The following PPP6C variants were observed in gnomAD, a reference collection of about 807,000 sequenced individuals.
PPP6C encodes the protein protein phosphatase 6 catalytic subunit, also known as serine/threonine-protein phosphatase 6 catalytic subunit.
Under a neutral mutation model 39.8 loss-of-function variants are expected in PPP6C, and 11 were observed. That is an observed-to-expected ratio of 0.28 (90% CI 0.17 to 0.46). The LOEUF is 0.46. PPP6C is among the 20% of genes least tolerant of loss of function. The pLI, the probability that PPP6C is intolerant of heterozygous loss-of-function variation, is 1.00. For missense variants in PPP6C, 211 were observed against 373.9 expected, an observed-to-expected ratio of 0.56 and a Z score of 3.59; for synonymous variants, 129 against 130.3, an observed-to-expected ratio of 0.99 and a Z score of 0.07.
chr9:125,177,619 T>A (rs754267326), intron 1 of PPP6C, among the ~76,000 whole-genome samples: 1 of 152,160 alleles, frequency 6.6e-6, no homozygotes, highest in Non-Finnish European at 1.5e-5. Context: ...CCTCCCCGCA[T>A]CAACATCTCA....
intron 1 of PPP6C, among the ~76,000 whole-genome samples, chr9:125,188,480 A>G (rs1212476302): frequency 3.3e-5 from 5 of 151,308 alleles, no homozygotes; most frequent in Non-Finnish European, 7.4e-5. Context: ...GCATAGAAAC[A>G]CTTTTCAAAG....
rs1029254621 is a variant in PPP6C, at chr9:125,150,418, A to AGG, written c.670-499_670-498dup. Among the ~76,000 whole-genome samples, 6 of 108,800 alleles carry AGG rather than the reference A, an allele frequency of 5.5e-5. No homozygotes were observed. The South Asian group carries it at 1.0e-3, about 19-fold the overall frequency. The allele number at this position is 108,800 out of a possible 152,430, so 71.4% of individuals were successfully genotyped here. On this transcript the variant is annotated intron_variant, in intron 6 of 6. Transcript: ENST00000373547. Reference sequence around the variant, plus strand: ...TGATGCTGGAGCACTTCCCAATATAAGGGGTGTGTGTGTGTGTGTGTGTGT... The same window carrying AGG: ...TGATGCTGGAGCACTTCCCAATATAAGGGGGGTGTGTGTGTGTGTGTGTGTGT...
At chr9:125,161,063 C>T in intron 2 of PPP6C, among the ~76,000 whole-genome samples, 157 bp from the exon 3 acceptor site, 1 of 152,156 alleles carries the variant, frequency 6.6e-6, no homozygotes, top group Non-Finnish European at 1.5e-5. Flanking sequence ...GCACACAGTT[C>T]TCAAGACTAA....
At chr9:125,172,754 C>A (rs867205943) in intron 1 of PPP6C, among the ~76,000 whole-genome samples, 2 of 142,450 alleles carry the variant, frequency 1.4e-5, no homozygotes, top group East Asian at 2.0e-4. Flanking sequence ...CACACACAAA[C>A]ACACACACAC....
chr9:125,165,325 G>C (rs1274445624), intron 2 of PPP6C, among the ~76,000 whole-genome samples: 2 of 151,948 alleles, frequency 1.3e-5, no homozygotes, highest in Non-Finnish European at 2.9e-5. Flanking sequence ...CTTGAACCCG[G>C]GAGGCAGAGG....
chr9:125,176,613 T>C (rs1350652307), intron 1 of PPP6C, among the ~76,000 whole-genome samples: 1 of 152,072 alleles, frequency 6.6e-6, no homozygotes, highest in Non-Finnish European at 1.5e-5. Flanking sequence ...GGTGAGACTG[T>C]GCCACTGCAC....
rs1235681255 is a variant in PPP6C, at chr9:125,171,071, T to A, written c.171+14A>T. ...GACAGTACAAAACTTAAAAATCTGCTCATGAAATTTTACCTGTCCATGGAT... is the reference window on the plus strand; with the variant it reads ...GACAGTACAAAACTTAAAAATCTGCACATGAAATTTTACCTGTCCATGGAT... On this transcript the variant is annotated intron_variant, in intron 2 of 6. Coordinates refer to ENST00000373547, the MANE Select transcript of PPP6C (RefSeq NM_002721.5). 2 of 1,516,026 alleles carry A rather than the reference T, an allele frequency of 1.3e-6. No homozygotes were observed. Among genetic ancestry groups the A allele is most frequent in the Non-Finnish European group, 1.8e-6 (2 of 1,113,822 alleles). The allele number at this position is 1,516,026 out of a possible 1,614,324, so 93.9% of individuals were successfully genotyped here. A position where few individuals can be genotyped will look rare whatever the true frequency, so the allele number is the denominator to read the frequency against.
intron 1 of PPP6C, among the ~76,000 whole-genome samples, chr9:125,188,506 G>A (rs1829580543): frequency 6.6e-6 from 1 of 151,308 alleles, no homozygotes; most frequent in African/African-American, 2.4e-5. Context: ...GTATACCTAG[G>A]CCGGCGCGGT....
intron 4 of PPP6C, among the ~76,000 whole-genome samples, chr9:125,156,249 A>C (rs1836071174): frequency 6.6e-6 from 1 of 152,188 alleles, no homozygotes; most frequent in Admixed American, 6.5e-5. Flanking sequence ...ATGGCAGACA[A>C]ACTGAAGAGT....
At chr9:125,157,697 T>TA (rs34972368) in intron 4 of PPP6C, among the ~76,000 whole-genome samples, 2 of 4,436 alleles carry the variant, frequency 4.5e-4, no homozygotes, top group Non-Finnish European at 0.014. Flanking sequence ...TTTTTTTTGG[T>TA]TTTTTTTTTT....
At chr9:125,171,468 CACACACACACATATAT>C (rs1469093658) in intron 1 of PPP6C, among the ~76,000 whole-genome samples, 16 of 71,554 alleles carry the variant, frequency 2.2e-4, no homozygotes, top group African/African-American at 1.2e-3. Flanking sequence ...TATACACACA[CACACACACACATATAT>C]ATATATATAT....
chr9:125,154,040 A>G lies in PPP6C; in HGVS notation c.380-55T>C, dbSNP rs991630344. 2.3e-6 allele frequency: 3 copies of G among 1,291,616 alleles called. No individual in the cohort carries two copies. In the Middle Eastern group the frequency reaches 5.6e-4, roughly 242 times the overall value. The allele number at this position is 1,291,616 out of a possible 1,614,324, so 80.0% of individuals were successfully genotyped here. The stretch of plus-strand genomic sequence containing the variant: ...ATGAATCTGCTAATAAAAATAAACA[A>G]TATATCCAATACTAGAGCAGCCTTC... On this transcript the variant is annotated intron_variant, in intron 4 of 6. Transcript: ENST00000373547.
intron 1 of PPP6C, among the ~76,000 whole-genome samples, chr9:125,178,833 G>A (rs1376652475): frequency 6.6e-6 from 1 of 152,150 alleles, no homozygotes; most frequent in East Asian, 1.9e-4. Context: ...GTGTAATTTA[G>A]CACAACCATT....
intron 1 of PPP6C, among the ~76,000 whole-genome samples, chr9:125,173,905 C>T (rs575208067): frequency 6.6e-5 from 10 of 152,126 alleles, no homozygotes; most frequent in Non-Finnish European, 1.3e-4. Context: ...CGTGAGCCAC[C>T]GCACCCAGCC....
chr9:125,168,622 C>A (rs1829076702), intron 2 of PPP6C, among the ~76,000 whole-genome samples: 1 of 151,882 alleles, frequency 6.6e-6, no homozygotes, highest in African/African-American at 2.4e-5. Context: ...CCACACCTGG[C>A]TAATTTTTGT....
chr9:125,185,744 G>A (rs1351911041), intron 1 of PPP6C, among the ~76,000 whole-genome samples: 3 of 151,782 alleles, frequency 2.0e-5, no homozygotes, highest in African/African-American at 7.3e-5. Flanking sequence ...CAGCACTTTG[G>A]GAGGCCGAGG....
At position 125,153,551 on chromosome 9, in the gene PPP6C, T is replaced by A; in HGVS notation, c.651A>T (p.Gly217=). The change falls in exon 6 of 7, where the codon GGA becomes GGT. Residue 217 remains glycine (G), a synonymous_variant. Transcript: ENST00000373547. ...GCTTTACCTCATTTGTGACCTTTGCTCCAAAAAGCCAACCTGCTCCTCGGG... is the reference window on the plus strand; with the variant it reads ...GCTTTACCTCATTTGTGACCTTTGCACCAAAAAGCCAACCTGCTCCTCGGG... ...ISPRGAGWLF[G]AKVTNEFVHI... The A allele has an allele frequency of 6.2e-7, 1 of 1,614,088 alleles. No individual in the cohort carries two copies.
intron 1 of PPP6C, among the ~76,000 whole-genome samples, chr9:125,186,958 T>TTTC (rs1003443757): frequency 7.0e-6 from 1 of 143,730 alleles, no homozygotes; most frequent in African/African-American, 2.6e-5. Context: ...TTTTTTTTTT[T>TTTC]TTTGGTGAGA....
intron 2 of PPP6C, among the ~76,000 whole-genome samples, chr9:125,167,655 A>T (rs888397454): frequency 4.6e-5 from 7 of 151,916 alleles, no homozygotes; most frequent in African/African-American, 1.7e-4. Flanking sequence ...GTGAGCCAGG[A>T]TCGTGCCATT....
Sources: gnomAD v4.1 joint callset for allele counts (sites outside exome capture counted in the v4.1 genomes callset) on GRCh38, gnomAD v4.1.1 for gene constraint, MANE v1.5 for transcripts, NCBI Gene and HGNC (gene_info 2026-07-23, HGNC 2026-07-21) for gene names.